Variants in AFG2A observed in about 807,000 individuals in gnomAD.
AFG2A encodes the protein AAA ATPase AFG2A.
chr4:123,033,031 C>G, the AFG2A span, among the ~76,000 whole-genome samples: 4 of 152,182 alleles, frequency 2.6e-5, no homozygotes, highest in African/African-American at 9.7e-5. Context: ...CAAGGAGCAT[C>G]TGTAATTACT....
chr4:123,263,105 T>C, the AFG2A span, among the ~76,000 whole-genome samples: 2 of 152,242 alleles, frequency 1.3e-5, no homozygotes, highest in African/African-American at 4.8e-5. Flanking sequence ...GAACTTGCTT[T>C]TCTCCTTTCA....
the AFG2A span, among the ~76,000 whole-genome samples, chr4:123,049,248 T>C: frequency 6.6e-6 from 1 of 152,194 alleles, no homozygotes; most frequent in Non-Finnish European, 1.5e-5. Context: ...TAATGTATTA[T>C]TGAGTTTGGT....
chr4:123,308,620 G>A, the AFG2A span, among the ~76,000 whole-genome samples: 7 of 152,116 alleles, frequency 4.6e-5, no homozygotes, highest in South Asian at 2.1e-4. Flanking sequence ...GAAACCACCC[G>A]CACTCCTCCG....
the AFG2A span, among the ~76,000 whole-genome samples, chr4:123,279,858 T>C: frequency 2.0e-5 from 3 of 152,094 alleles, no homozygotes; most frequent in Admixed American, 1.3e-4. Context: ...AATACATGAG[T>C]TACTAGAAAG....
chr4:123,059,602 C>T, the AFG2A span, among the ~76,000 whole-genome samples: 1 of 151,332 alleles, frequency 6.6e-6, no homozygotes. Context: ...TGAATAGTGC[C>T]ACAATAAACA....
chr4:123,154,014 G>C, the AFG2A span, among the ~76,000 whole-genome samples: 124 of 152,142 alleles, frequency 8.2e-4, no homozygotes, highest in African/African-American at 2.8e-3. Context: ...GTCTTTCAAA[G>C]ACTTTTGAAA....
chr4:122,936,696 T>C, the AFG2A span, among the ~76,000 whole-genome samples: 126 of 151,694 alleles, frequency 8.3e-4, 1 homozygote, highest in African/African-American at 2.8e-3. Flanking sequence ...ATAAAAATAA[T>C]TGGCTGGGTG....
the AFG2A span, among the ~76,000 whole-genome samples, chr4:122,997,802 CT>C: frequency 1.3e-5 from 2 of 152,064 alleles, no homozygotes; most frequent in African/African-American, 4.8e-5. Flanking sequence ...TTTGCTAACA[CT>C]TGTTATTATT....
chr4:123,007,583 TG>T, the AFG2A span, among the ~76,000 whole-genome samples: 7 of 3,630 alleles, frequency 1.9e-3, no homozygotes, highest in African/African-American at 5.7e-3. Context: ...TGTGTGTGTG[TG>T]TGTGTGTGTG....
the AFG2A span, among the ~76,000 whole-genome samples, chr4:123,237,432 G>T: frequency 6.6e-6 from 1 of 151,704 alleles, no homozygotes; most frequent in African/African-American, 2.4e-5. Context: ...CAGCACTTTG[G>T]GAGGAGATCA....
At chr4:122,947,145 A>T in the AFG2A span, 1 of 1,328,224 alleles carries the variant, frequency 7.5e-7, no homozygotes, top group Non-Finnish European at 1.0e-6. Flanking sequence ...TAGATGTTTC[A>T]TCCTTGTCTA....
the AFG2A span, among the ~76,000 whole-genome samples, chr4:123,302,178 C>G: frequency 1.3e-5 from 2 of 152,218 alleles, no homozygotes; most frequent in Non-Finnish European, 2.9e-5. Flanking sequence ...TTGAGACACT[C>G]TAGACTTGGG....
chr4:123,017,355 ACTT>A, the AFG2A span, among the ~76,000 whole-genome samples: 1 of 124,180 alleles, frequency 8.1e-6, no homozygotes, highest in Admixed American at 8.1e-5. Context: ...GGAACTTTTG[ACTT>A]CTTTTTTTTT....
chr4:123,030,749 C>G, the AFG2A span, among the ~76,000 whole-genome samples: 1 of 152,108 alleles, frequency 6.6e-6, no homozygotes, highest in Non-Finnish European at 1.5e-5. Context: ...TATCAAAATG[C>G]TTTGGACCTG....
the AFG2A span, among the ~76,000 whole-genome samples, chr4:123,138,052 TTA>T: frequency 2.6e-5 from 4 of 152,238 alleles, no homozygotes; most frequent in Non-Finnish European, 4.4e-5. Flanking sequence ...CACACTTCTC[TTA>T]ATCTTTTCTG....
At chr4:123,106,525 T>C in the AFG2A span, among the ~76,000 whole-genome samples, 1 of 152,196 alleles carries the variant, frequency 6.6e-6, no homozygotes, top group Non-Finnish European at 1.5e-5. Flanking sequence ...AATTGTTTAA[T>C]TCGGAACACA....
the AFG2A span, among the ~76,000 whole-genome samples, chr4:123,206,718 C>T: frequency 1.3e-5 from 2 of 152,140 alleles, no homozygotes; most frequent in Admixed American, 1.3e-4. Flanking sequence ...AGGAAGTTTT[C>T]TTCTCTTTCT....
the AFG2A span, among the ~76,000 whole-genome samples, chr4:123,206,985 A>G: frequency 1.0e-5 from 1 of 97,036 alleles, no homozygotes; most frequent in African/African-American, 2.6e-5. Context: ...TCACTGAGTA[A>G]CTGTACTCAC....
chr4:123,071,485 CAA>C, the AFG2A span, among the ~76,000 whole-genome samples: 448 of 139,836 alleles, frequency 3.2e-3, 1 homozygote, highest in Non-Finnish European at 2.7e-3. Flanking sequence ...CGTCCCCCTC[CAA>C]AAAAAAAAAA....
Sources: allele counts gnomAD v4.1 joint callset (sites outside exome capture counted in the v4.1 genomes callset), GRCh38; gene constraint gnomAD v4.1.1; transcripts MANE v1.5; gene names NCBI Gene and HGNC (gene_info 2026-07-23, HGNC 2026-07-21).